DCAF6: variants seen among roughly 807,000 people sequenced by gnomAD.
The protein encoded by DCAF6 is DDB1 and CUL4 associated factor 6.
DCAF6 carries 54 observed loss-of-function variants against 125.1 expected under a neutral mutation model. The observed-to-expected ratio is 0.43, with a 90% CI of 0.35 to 0.54. The LOEUF (loss-of-function observed/expected upper bound fraction) is 0.54, where lower values mean the gene tolerates loss of function less well. Ranked by LOEUF, DCAF6 falls within the 20% of genes least tolerant of loss-of-function variation. The probability of loss-of-function intolerance (pLI) is 0.01; values close to 1 mark genes in which losing one functional copy is unlikely to be tolerated. For synonymous variants in DCAF6, 371 were observed against 390.4 expected, an observed-to-expected ratio of 0.95 and a Z score of 0.58; for missense variants, 934 against 1,161.7, an observed-to-expected ratio of 0.80 and a Z score of 2.85.
intron 3 of DCAF6, among the ~76,000 whole-genome samples, chr1:167,967,252 A>C (rs1455831686): frequency 6.6e-6 from 1 of 152,176 alleles, no homozygotes; most frequent in Non-Finnish European, 1.5e-5. Flanking sequence ...ATAGTTCTTG[A>C]GGTACTGAGA....
chr1:168,024,246 A>G (rs1686044253), intron 12 of DCAF6, among the ~76,000 whole-genome samples: 1 of 151,532 alleles, frequency 6.6e-6, no homozygotes, highest in Admixed American at 6.6e-5. Flanking sequence ...AAAGAACAGA[A>G]AAAAGGCAGG....
chr1:168,068,552 T>C, intron 21 of DCAF6, 89 bp downstream of exon 21: 1 of 619,220 alleles, frequency 1.6e-6, no homozygotes, highest in Non-Finnish European at 2.4e-6. Context: ...TTTATATATA[T>C]TTTTTAATAT....
At chr1:168,009,431 T>C (rs1683927391) in intron 10 of DCAF6, among the ~76,000 whole-genome samples, 1 of 128,778 alleles carries the variant, frequency 7.8e-6, no homozygotes, top group South Asian at 2.7e-4. Flanking sequence ...TCTTTCTGTC[T>C]CTCTCTCTTT....
the DCAF6 span, among the ~76,000 whole-genome samples, chr1:167,895,767 T>C: frequency 1.3e-5 from 2 of 152,194 alleles, no homozygotes; most frequent in Non-Finnish European, 2.9e-5. Flanking sequence ...AGTTTTGTGA[T>C]ACAGTCTTCT....
chr1:167,948,134 CT>C (rs34716266), intron 1 of DCAF6, among the ~76,000 whole-genome samples: 7,130 of 132,662 alleles, frequency 0.054, 377 homozygotes, highest in African/African-American at 0.14. Flanking sequence ...TTTCTTAGTC[CT>C]TTTTTTTTTT....
the DCAF6 span, among the ~76,000 whole-genome samples, chr1:167,890,442 G>A: frequency 1.3e-5 from 2 of 152,154 alleles, no homozygotes; most frequent in Non-Finnish European, 2.9e-5. Flanking sequence ...GCTGCTTGGA[G>A]CTGGGGGTGG....
rs538117680 is a variant in DCAF6, at chr1:167,981,154, G to A, written c.438+6139G>A. 1.5e-4 allele frequency among the ~76,000 whole-genome samples: 23 copies of A among 151,980 alleles called. 1 individual carries two copies. The South Asian group carries it at 3.3e-3, about 22-fold the overall frequency. On this transcript the variant is annotated intron_variant, in intron 4 of 21. Transcript: ENST00000367840. ...ACTCCTGAGCTCAGGTAATCTGCCC[G>A]TCTCCGCCTCCAAAGTGCTGGGCTT...
chr1:167,932,730 A>ACCCAGGAGG (rs1327486539), upstream of DCAF6, among the ~76,000 whole-genome samples: 1 of 148,798 alleles, frequency 6.7e-6, no homozygotes, highest in Non-Finnish European at 1.5e-5. Flanking sequence ...AATCGCTTGA[A>ACCCAGGAGG]CCCAGGAGGC....
intron 12 of DCAF6, among the ~76,000 whole-genome samples, chr1:168,028,755 T>C (rs1053215995): frequency 6.6e-6 from 1 of 152,286 alleles, no homozygotes; most frequent in African/African-American, 2.4e-5. Context: ...CTTAAGATTA[T>C]ATACTATCAC....
Position 167,969,820 on chromosome 1 carries a change from A to G in DCAF6, c.252+3099A>G, listed in dbSNP as rs559437114. 7.5e-4 allele frequency among the ~76,000 whole-genome samples: 114 copies of G among 152,320 alleles called. 2 individuals are homozygous for G. The highest frequency in any genetic ancestry group is 3.7e-4 in the Non-Finnish European group (25 of 68,026). On this transcript the variant is annotated intron_variant, in intron 3 of 21. Coordinates refer to ENST00000367840, the MANE Select transcript of DCAF6 (RefSeq NM_001198956.2). ...GAGATAGAGTCTTGCTCTGTTGCCC[A>G]GGCTGGAGTGCAGTGGCACGATCTC...
chr1:167,984,714 G>A (rs1679692423), intron 4 of DCAF6, among the ~76,000 whole-genome samples: 2 of 152,168 alleles, frequency 1.3e-5, no homozygotes, highest in South Asian at 4.2e-4. Flanking sequence ...ACTTATTTAG[G>A]TTGAATATAC....
intron 13 of DCAF6, among the ~76,000 whole-genome samples, chr1:168,039,461 C>A (rs1485558592): frequency 6.6e-6 from 1 of 150,772 alleles, no homozygotes; most frequent in Admixed American, 6.6e-5. Flanking sequence ...TTGAGAAAAG[C>A]AAGTTATGTA....
chr1:168,015,053 C>A (rs1280928474), intron 10 of DCAF6, among the ~76,000 whole-genome samples: 1 of 152,142 alleles, frequency 6.6e-6, no homozygotes, highest in Admixed American at 6.5e-5. Context: ...ATTAACTCCA[C>A]AAGAATAAGG....
intron 10 of DCAF6, among the ~76,000 whole-genome samples, chr1:168,008,280 G>A (rs1475821093): frequency 2.0e-5 from 3 of 151,958 alleles, no homozygotes; most frequent in South Asian, 2.1e-4. Context: ...ATTGTTGTAC[G>A]TCATAAATCT....
chr1:167,925,466 T>TAC, the DCAF6 span, among the ~76,000 whole-genome samples: 2 of 116,936 alleles, frequency 1.7e-5, no homozygotes, highest in African/African-American at 4.1e-5. Context: ...TATATATATA[T>TAC]ATATATATAC....
At chr1:168,024,427 A>G (rs1686071969) in intron 12 of DCAF6, among the ~76,000 whole-genome samples, 2 of 152,208 alleles carry the variant, frequency 1.3e-5, no homozygotes, top group Admixed American at 1.3e-4. Context: ...AAATATATGT[A>G]ATTTAAACTA....
intron 16 of DCAF6, among the ~76,000 whole-genome samples, chr1:168,046,251 A>T (rs1399817795): frequency 1.3e-5 from 2 of 152,284 alleles, no homozygotes; most frequent in Admixed American, 1.3e-4. Flanking sequence ...AAAAAAATCT[A>T]TCAGTCAATC....
chr1:167,898,705 G>T, the DCAF6 span, among the ~76,000 whole-genome samples: 3 of 152,126 alleles, frequency 2.0e-5, no homozygotes, highest in Non-Finnish European at 2.9e-5. Context: ...TGAGGAGTGG[G>T]TGGTGGTGGT....
At chr1:167,891,976 CTTT>C in the DCAF6 span, among the ~76,000 whole-genome samples, 2 of 140,020 alleles carry the variant, frequency 1.4e-5, no homozygotes. Context: ...TTTTTCTTTT[CTTT>C]TTTTTTTTTT....
Sources: gnomAD v4.1 joint callset for allele counts (sites outside exome capture counted in the v4.1 genomes callset) on GRCh38, gnomAD v4.1.1 for gene constraint, MANE v1.5 for transcripts, NCBI Gene and HGNC (gene_info 2026-07-23, HGNC 2026-07-21) for gene names.